Variants in DPF1 observed in about 807,000 individuals in gnomAD.
The protein encoded by DPF1 is double PHD fingers 1, also known as zinc finger protein neuro-d4.
DPF1 carries 14 observed loss-of-function variants against 58.7 expected under a neutral mutation model. The observed-to-expected ratio is 0.24, with a 90% CI of 0.16 to 0.37. The LOEUF is 0.37. Among genes scored for constraint, DPF1 ranks in the 10% least tolerant of loss-of-function variants. The pLI, the probability that DPF1 is intolerant of heterozygous loss-of-function variation, is 1.00. For synonymous variants in DPF1, 216 were observed against 216.0 expected (o/e 1.00, Z 0.00); for missense variants, 345 against 529.9 (o/e 0.65, Z 3.43).
rs113758906 is a variant in DPF1, at chr19:38,215,750, G to A, written c.898+390C>T. Among the ~76,000 whole-genome samples, 231 of 152,164 alleles carry A rather than the reference G, an allele frequency of 1.5e-3. 3 individuals are homozygous for A. Among genetic ancestry groups the A allele is most frequent in the African/African-American group, 5.4e-3 (223 of 41,524 alleles). ...CACCTGGATAATTTTTAAATTTTTTGTAGAGATGGGGGTCTTGCTATGTTG... is the reference window on the plus strand; with the variant it reads ...CACCTGGATAATTTTTAAATTTTTTATAGAGATGGGGGTCTTGCTATGTTG... On this transcript the variant is annotated intron_variant, in intron 9 of 11. Coordinates refer to ENST00000355526, the MANE Select transcript of DPF1 (RefSeq NM_001135155.3).
Position 38,229,583 on chromosome 19 carries a change from G to A in DPF1, c.-156C>T. On this transcript the variant is annotated 5_prime_UTR_variant, in exon 1 of 12. Transcript: ENST00000412732. This position sits in a 1 kb window ranked among gnomAD's most constrained non-coding sequence, Gnocchi z 5.3. ...CGACTTGAGCGGGTTCTGAATGGCGGTGGCCATGGCCCGCTCGGCTGGGCC... is the reference window on the plus strand; with the variant it reads ...CGACTTGAGCGGGTTCTGAATGGCGATGGCCATGGCCCGCTCGGCTGGGCC... 2 of 1,163,140 alleles carry A rather than the reference G, an allele frequency of 1.7e-6. No homozygotes were observed. The highest frequency in any genetic ancestry group is 2.1e-6 in the Non-Finnish European group (2 of 944,076). The allele number at this position is 1,163,140 out of a possible 1,614,324, so 72.1% of individuals were successfully genotyped here.
intron 9 of DPF1, among the ~76,000 whole-genome samples, chr19:38,214,297 A>G (rs1399237058): frequency 6.6e-6 from 1 of 152,176 alleles, no homozygotes; most frequent in African/African-American, 2.4e-5. Context: ...GTGCAGCGCC[A>G]GGCTTAGTCA....
At chr19:38,217,228 T>C (rs567299100) in intron 7 of DPF1, among the ~76,000 whole-genome samples, 2 of 151,924 alleles carry the variant, frequency 1.3e-5, no homozygotes, top group South Asian at 4.2e-4. Flanking sequence ...CAAGCTCTAA[T>C]TGAAACAATA....
At chr19:38,217,930 G>A (rs571334974) in intron 5 of DPF1, 54 bp from the exon 6 acceptor site, 24 of 1,588,998 alleles carry the variant, frequency 1.5e-5, no homozygotes, top group East Asian at 4.5e-5. Context: ...CAGGCCAGGC[G>A]TGGTGGCTCA....
At chr19:38,216,040 G>T in intron 9 of DPF1, 100 bp downstream of exon 9, 2 of 1,496,106 alleles carry the variant, frequency 1.3e-6, no homozygotes, top group Non-Finnish European at 1.8e-6. Context: ...CATGCTCCGG[G>T]TCCCCTCGGT....
Position 38,229,562 on chromosome 19 carries a change from T to G in DPF1, c.-135A>C. On this transcript the variant is annotated 5_prime_UTR_variant, in exon 1 of 12. Transcript: ENST00000412732. This position sits in a 1 kb window ranked among gnomAD's most constrained non-coding sequence, Gnocchi z 5.3. Reference sequence around the variant, plus strand: ...CGGGGACGGCAGGGACACTCACGACTTGAGCGGGTTCTGAATGGCGGTGGC... The same window carrying G: ...CGGGGACGGCAGGGACACTCACGACGTGAGCGGGTTCTGAATGGCGGTGGC... 2 of 1,186,276 alleles carry G rather than the reference T, an allele frequency of 1.7e-6. No homozygotes were observed. The highest frequency in any genetic ancestry group is 2.1e-6 in the Non-Finnish European group (2 of 959,046). 73.5% of individuals were successfully genotyped at this position (1,186,276 alleles called of 1,614,324 possible).
upstream of DPF1, among the ~76,000 whole-genome samples, chr19:38,225,092 C>T (rs147740015): frequency 4.0e-3 from 605 of 152,158 alleles, 17 homozygotes; most frequent in Admixed American, 0.035. Context: ...ACTAAAAATA[C>T]AAAATTAGCC....
intron 9 of DPF1, 121 bp downstream of exon 9, chr19:38,216,019 A>G: frequency 1.4e-6 from 2 of 1,464,878 alleles, no homozygotes; most frequent in Non-Finnish European, 1.8e-6. Context: ...GGTTATCCAC[A>G]GTATCCCCTA....
chr19:38,214,433 C>A (rs1283240882), intron 9 of DPF1, among the ~76,000 whole-genome samples: 1 of 152,214 alleles, frequency 6.6e-6, no homozygotes, highest in Non-Finnish European at 1.5e-5. Flanking sequence ...GTTGCCATGA[C>A]AACCATATTT....
chr19:38,217,094 G>A (rs1312756420), intron 7 of DPF1, among the ~76,000 whole-genome samples: 17 of 152,140 alleles, frequency 1.1e-4, no homozygotes, highest in Admixed American at 1.0e-3. Context: ...AACTGGCATG[G>A]GATTGGCAAG....
intron 3 of DPF1, chr19:38,219,345 GAC>G (rs1466667978): frequency 1.2e-5 from 5 of 431,280 alleles, no homozygotes; most frequent in Non-Finnish European, 2.1e-5. Context: ...ACTCAGGGAA[GAC>G]ACAGCGACTC....
Position 38,218,331 on chromosome 19 carries a change from G to A in DPF1, c.516+242C>T, listed in dbSNP as rs375418730. On this transcript the variant is annotated intron_variant, in intron 5 of 11. Coordinates refer to ENST00000355526, the MANE Select transcript of DPF1 (RefSeq NM_001135155.3). ...GGTTCAGCTTCTTCCTCTGTGGCAT[G>A]GGGATGAAGGTAGCTCTAACCCACT... Among the ~76,000 whole-genome samples the A allele has an allele frequency of 3.8e-4, 58 of 152,318 alleles. No homozygotes were observed. In the South Asian group the frequency reaches 0.01, roughly 27 times the overall value.
At position 38,222,780 on chromosome 19, in the gene DPF1, CCGGCTGCCGGGCCGCCCAGGCT is replaced by C; in HGVS notation, c.30-94_30-73del. The C allele has an allele frequency of 7.0e-7, 1 of 1,434,078 alleles. No homozygotes were observed. The highest frequency in any genetic ancestry group is 9.1e-7 in the Non-Finnish European group (1 of 1,093,694). The allele number at this position is 1,434,078 out of a possible 1,614,324, so 88.8% of individuals were successfully genotyped here. A position where few individuals can be genotyped will look rare whatever the true frequency, so the allele number is the denominator to read the frequency against. ...CACAGGGTCGCCCAGCACCCCTTCC[CCGGCTGCCGGGCCGCCCAGGCT>C]CGGGAGGGGTGGGCCGACCCCTCCA... On this transcript the variant is annotated intron_variant, in intron 1 of 11. Transcript: ENST00000355526. This position sits in a 1 kb window ranked among gnomAD's most constrained non-coding sequence, Gnocchi z 4.9.
Position 38,218,667 on chromosome 19 carries a change from G to T in DPF1, c.427-5C>A, listed in dbSNP as rs1429342843. 6.2e-7 allele frequency: 1 copy of T among 1,614,138 alleles called. No individual in the cohort carries two copies. On this transcript the variant is annotated splice_polypyrimidine_tract_variant and splice_region_variant and intron_variant, in intron 4 of 11. Coordinates refer to ENST00000355526, the MANE Select transcript of DPF1 (RefSeq NM_001135155.3). Reference sequence around the variant, plus strand: ...AAACTCCAGCAACTGCTGTTTCTGGGCAATAGAGAAAGGAGACGGGTCAAG... The same window carrying T: ...AAACTCCAGCAACTGCTGTTTCTGGTCAATAGAGAAAGGAGACGGGTCAAG...
chr19:38,213,865 G>A (rs1440562557), intron 9 of DPF1, 109 bp from the exon 10 acceptor site: 11 of 895,442 alleles, frequency 1.2e-5, no homozygotes, highest in Non-Finnish European at 1.7e-5. Flanking sequence ...ATGACGCCAG[G>A]ATGAGCTGCC....
chr19:38,216,300 G>T, intron 8 of DPF1, 41 bp from the exon 9 acceptor site: 1 of 1,611,600 alleles, frequency 6.2e-7, no homozygotes, highest in Non-Finnish European at 8.5e-7. Flanking sequence ...GGCAGGCAAG[G>T]GCACCCCGCA....
At chr19:38,217,053 C>G (rs1201300470) in intron 7 of DPF1, among the ~76,000 whole-genome samples, 1 of 152,184 alleles carries the variant, frequency 6.6e-6, no homozygotes, top group Non-Finnish European at 1.5e-5. Context: ...CTCCCAAACC[C>G]TCCTCCCCTC....
At position 38,229,253 on chromosome 19, in the gene DPF1, T is replaced by C. The variant is rs1397936489; in HGVS notation, c.-132+306A>G. ...ACCTCCGGAGACCCTGAGGGAGAGATGGAGGAGAGGGAAACCCCTACCCCC... is the reference window on the plus strand; with the variant it reads ...ACCTCCGGAGACCCTGAGGGAGAGACGGAGGAGAGGGAAACCCCTACCCCC... On this transcript the variant is annotated intron_variant, in intron 1 of 11. Coordinates refer to the DPF1 transcript ENST00000412732. This position sits in a 1 kb window ranked among gnomAD's most constrained non-coding sequence, Gnocchi z 5.3. Among the ~76,000 whole-genome samples the C allele has an allele frequency of 2.6e-5, 4 of 151,612 alleles. No homozygotes were observed. The highest frequency in any genetic ancestry group is 2.0e-4 in the East Asian group (1 of 5,106).
intron 6 of DPF1, 97 bp from the exon 7 acceptor site, chr19:38,217,688 G>A (rs1600254283): frequency 2.6e-6 from 4 of 1,559,480 alleles, no homozygotes; most frequent in African/African-American, 2.7e-5. Flanking sequence ...CTCAGCCAGA[G>A]ACCTGAGCAG....
Sources: allele counts gnomAD v4.1 joint callset (sites outside exome capture counted in the v4.1 genomes callset), GRCh38; gene constraint gnomAD v4.1.1; non-coding constraint Gnocchi (gnomAD v3.1); transcripts MANE v1.5; gene names NCBI Gene and HGNC (gene_info 2026-07-23, HGNC 2026-07-21).